PHKA1: variants seen among roughly 807,000 people sequenced by gnomAD.
The protein encoded by PHKA1 is phosphorylase b kinase regulatory subunit alpha, skeletal muscle isoform.
In PHKA1, 60 loss-of-function variants were observed where a neutral mutation model predicts 110.2. The ratio of observed to expected loss-of-function variants is 0.54; its 90% CI spans 0.44 to 0.68. PHKA1 has a LOEUF of 0.68. Ranked by LOEUF, PHKA1 falls within the 30% of genes least tolerant of loss-of-function variation. The probability of loss-of-function intolerance (pLI) is 0.00; values close to 1 mark genes in which losing one functional copy is unlikely to be tolerated. For missense variants in PHKA1, 801 were observed against 942.5 expected (o/e 0.85, Z 1.97); for synonymous variants, 316 against 333.6 (o/e 0.95, Z 0.58).
At chrX:72,671,919 C>G (rs1271570924) in intron 6 of PHKA1, among the ~76,000 whole-genome samples, 4 of 111,922 alleles carry the variant, frequency 3.6e-5, no homozygotes, top group African/African-American at 1.3e-4. Flanking sequence ...TTCCTTACAC[C>G]TTATACAAAA....
intron 10 of PHKA1, among the ~76,000 whole-genome samples, chrX:72,655,076 C>T (rs782163571): frequency 1.8e-5 from 2 of 110,023 alleles, no homozygotes; most frequent in Non-Finnish European, 3.8e-5. Flanking sequence ...GGATTACAGG[C>T]GTGAGCCACC....
At chrX:72,644,256 G>T in intron 14 of PHKA1, 106 bp downstream of exon 14, 1 of 899,157 alleles carries the variant, frequency 1.1e-6, no homozygotes, top group Non-Finnish European at 1.6e-6. Flanking sequence ...TTCCTTCTCA[G>T]ATCCAGCTTA....
At chrX:72,694,891 C>A (rs2054087549) in intron 4 of PHKA1, among the ~76,000 whole-genome samples, 1 of 111,443 alleles carries the variant, frequency 9.0e-6, no homozygotes, top group Non-Finnish European at 1.9e-5. Context: ...TAAATTAAAC[C>A]TAAAAATACA....
intron 5 of PHKA1, among the ~76,000 whole-genome samples, chrX:72,681,455 G>GC (rs1231468399): frequency 1.1e-4 from 10 of 93,407 alleles, no homozygotes; most frequent in Non-Finnish European, 1.9e-4. Flanking sequence ...GGGGGGGTCA[G>GC]CCCCCCCGCC....
At chrX:72,614,991 G>A (rs1556266649) in intron 21 of PHKA1, among the ~76,000 whole-genome samples, 4 of 109,713 alleles carry the variant, frequency 3.6e-5, no homozygotes, top group African/African-American at 1.3e-4. Context: ...AAATGTCAAA[G>A]ATCAAAGACA....
chrX:72,701,098 G>A (rs904784980), intron 3 of PHKA1, among the ~76,000 whole-genome samples: 7 of 112,360 alleles, frequency 6.2e-5, no homozygotes, highest in South Asian at 3.6e-4. Context: ...AGTTATTTGC[G>A]TAAGTGCAAT....
chrX:72,609,834 A>T, intron 22 of PHKA1, 131 bp from the exon 23 acceptor site: 2 of 521,821 alleles, frequency 3.8e-6, no homozygotes, highest in Non-Finnish European at 6.9e-6. Flanking sequence ...CTCAGAAAAT[A>T]CCATGAAGAT....
Position 72,656,144 on chromosome X carries a change from C to A in PHKA1, c.1017G>T (p.Gly339=), listed in dbSNP as rs782071648. 1.7e-6 allele frequency: 2 copies of A among 1,208,668 alleles called. No homozygotes were observed. The highest frequency in any genetic ancestry group is 1.7e-5 in the African/African-American group (1 of 57,229). Reference sequence around the variant, plus strand: ...CCTGTTCTGCATTGCCACTGAAGACCCCATCAAGAATAAAGTATGTCCAGA... The same window carrying A: ...CCTGTTCTGCATTGCCACTGAAGACACCATCAAGAATAAAGTATGTCCAGA... ...PLFWTYFILD[G]VFSGNAEQVQ... is the part of the protein sequence containing the mutation. Residue 339 remains glycine, a synonymous_variant, in exon 10 of 32, where the codon GGG becomes GGT. Transcript: ENST00000373542.
At chrX:72,711,470 C>A (rs1382147824) in intron 2 of PHKA1, among the ~76,000 whole-genome samples, 2 of 110,791 alleles carry the variant, frequency 1.8e-5, no homozygotes, top group African/African-American at 6.6e-5. Context: ...AAAGGCTGGG[C>A]GCGGTGGCTC....
At chrX:72,647,235 A>C in intron 13 of PHKA1, among the ~76,000 whole-genome samples, 1 of 111,936 alleles carries the variant, frequency 8.9e-6, no homozygotes, top group East Asian at 2.8e-4. Flanking sequence ...TCTCAGAATT[A>C]TTTAGGAAAT....
chrX:72,596,357 G>A (rs1746369606), intron 28 of PHKA1, among the ~76,000 whole-genome samples: 1 of 111,060 alleles, frequency 9.0e-6, no homozygotes, highest in Admixed American at 9.6e-5. Context: ...AGATGAAAAC[G>A]TTCTAGAGAT....
At chrX:72,627,104 G>C in intron 16 of PHKA1, 55 bp from the exon 17 acceptor site, 1 of 879,874 alleles carries the variant, frequency 1.1e-6, no homozygotes, top group Non-Finnish European at 1.7e-6. Flanking sequence ...CTGAAGTAGG[G>C]AGAAATCTTG....
intron 5 of PHKA1, among the ~76,000 whole-genome samples, chrX:72,680,622 C>T (rs1433389152): frequency 1.1e-5 from 1 of 91,421 alleles, no homozygotes; most frequent in Non-Finnish European, 2.0e-5. Context: ...CCATGGTGGC[C>T]GCGGCTGGTG....
intron 5 of PHKA1, among the ~76,000 whole-genome samples, chrX:72,679,435 C>T (rs1179958366): frequency 1.8e-5 from 2 of 109,493 alleles, no homozygotes; most frequent in African/African-American, 6.7e-5. Flanking sequence ...AATTACTAGG[C>T]ATGCCAAGAA....
intron 6 of PHKA1, among the ~76,000 whole-genome samples, chrX:72,669,643 T>C (rs2053659552): frequency 1.9e-5 from 2 of 105,481 alleles, no homozygotes; most frequent in Admixed American, 1.0e-4. Flanking sequence ...TGGTTTTTTG[T>C]CTCTGTGATA....
At chrX:72,697,640 A>G (rs1375275945) in intron 3 of PHKA1, among the ~76,000 whole-genome samples, 11 of 109,234 alleles carry the variant, frequency 1.0e-4, no homozygotes, top group African/African-American at 3.3e-4. Flanking sequence ...AGTTATCGCA[A>G]CAGAGGCTAC....
intron 6 of PHKA1, among the ~76,000 whole-genome samples, chrX:72,668,214 C>A (rs1306278272): frequency 8.9e-6 from 1 of 111,919 alleles, no homozygotes; most frequent in East Asian, 2.8e-4. Flanking sequence ...TATGTCTTCA[C>A]TAATATCTAG....
At chrX:72,671,826 A>G (rs1381030376) in intron 6 of PHKA1, among the ~76,000 whole-genome samples, 1 of 111,761 alleles carries the variant, frequency 8.9e-6, no homozygotes, top group Non-Finnish European at 1.9e-5. Context: ...GACAAAAACA[A>G]GCAATGGGGA....
intron 3 of PHKA1, among the ~76,000 whole-genome samples, chrX:72,700,463 G>C (rs782513990): frequency 9.8e-5 from 11 of 112,059 alleles, no homozygotes; most frequent in African/African-American, 3.2e-4. Context: ...ATGAAATGTT[G>C]TTTGGTTTTC....
Sources: gnomAD v4.1 joint callset for allele counts (sites outside exome capture counted in the v4.1 genomes callset) on GRCh38, gnomAD v4.1.1 for gene constraint, MANE v1.5 for transcripts, NCBI Gene and HGNC (gene_info 2026-07-23, HGNC 2026-07-21) for gene names.